Variants in DNAJC5 observed in about 807,000 individuals in gnomAD.
DNAJC5 encodes dnaJ homolog subfamily C member 5.
Under a neutral mutation model 23.2 loss-of-function variants are expected in DNAJC5, and 1 was observed. That is an observed-to-expected ratio of 0.04 (90% confidence interval 0.02 to 0.20). DNAJC5 has a LOEUF of 0.20. Among genes scored for constraint, DNAJC5 ranks in the 10% least tolerant of loss-of-function variants. DNAJC5 has a pLI of 1.00. For missense variants in DNAJC5, 180 were observed against 267.0 expected, an observed-to-expected ratio of 0.67 and a Z score of 2.27; for synonymous variants, 136 against 120.0, an observed-to-expected ratio of 1.13 and a Z score of -0.87.
Position 63,928,441 on chromosome 20 carries a change from A to G in DNAJC5, c.96A>G (p.Lys32=), listed in dbSNP as rs2146303986. ...AGAACGCAACCTCAGATGACATTAA[A>G]AAGTCCTATCGGTAAGTGGACAAGT... The part of the protein sequence containing the change: ...LDKNATSDDI[K]KSYRKLALKY... Residue 32 remains lysine (K), a synonymous_variant, in exon 2 of 5, where the codon AAA becomes AAG. Transcript: ENST00000360864. The surrounding 1 kb of genome is among the most constrained non-coding windows in gnomAD (Gnocchi z 4.6). The G allele has an allele frequency of 6.2e-7, 1 of 1,613,964 alleles. No homozygotes were observed. Among genetic ancestry groups the G allele is most frequent in the Non-Finnish European group, 8.5e-7 (1 of 1,179,976 alleles).
intron 1 of DNAJC5, among the ~76,000 whole-genome samples, chr20:63,922,787 A>T (rs1447046951): frequency 6.6e-6 from 1 of 151,878 alleles, no homozygotes; most frequent in Non-Finnish European, 1.5e-5. Flanking sequence ...ACAAAAAAGC[A>T]AAAAATGGTG....
Position 63,928,043 on chromosome 20 carries a change from G to A in DNAJC5, c.-11-292G>A, listed in dbSNP as rs974773681. Among the ~76,000 whole-genome samples the A allele has an allele frequency of 7.2e-5, 11 of 152,182 alleles. No individual in the cohort carries two copies. The highest frequency in any genetic ancestry group is 2.7e-4 in the African/African-American group (11 of 41,444). ...TAGCTCACTGCAGCCTCAAACTCCT[G>A]GGCTCAAGCGGTCCTCCCGCCTCAG... On this transcript the variant is annotated intron_variant, in intron 1 of 4. Transcript: ENST00000360864. The surrounding 1 kb of genome is among the most constrained non-coding windows in gnomAD (Gnocchi z 4.6).
chr20:63,930,847 C>A lies in DNAJC5; in HGVS notation c.322-4C>A, dbSNP rs376221120. 11 of 1,612,328 alleles carry A rather than the reference C, an allele frequency of 6.8e-6. No individual in the cohort carries two copies. The highest frequency in any genetic ancestry group is 3.3e-5 in the South Asian group (3 of 91,020). ...CATGCAACACCACCTTCTTCTCCCC[C>A]CAGGCCCTGTTTGTCTTCTGCGGCC... On this transcript the variant is annotated splice_region_variant and splice_polypyrimidine_tract_variant and intron_variant, in intron 3 of 4. Transcript: ENST00000360864.
intron 1 of DNAJC5, chr20:63,919,371 G>A (rs1349711488): frequency 2.7e-5 from 14 of 517,320 alleles, no homozygotes; most frequent in Non-Finnish European, 3.9e-5. Context: ...CGACGTGTCC[G>A]GGGAGAGGAC....
In DNAJC5 at chr20:63,929,569, G is replaced by A; in HGVS notation, c.321+44G>A. Reference sequence around the variant, plus strand: ...CCGTGCGGGCACCCGAGTCACTCCTGCCGTGCGGGCACCCGAGTCTCTCCT... The same window carrying A: ...CCGTGCGGGCACCCGAGTCACTCCTACCGTGCGGGCACCCGAGTCTCTCCT... On this transcript the variant is annotated intron_variant, in intron 3 of 4. Transcript: ENST00000360864. This position sits in a 1 kb window ranked among gnomAD's most constrained non-coding sequence, Gnocchi z 8.6. 6.2e-7 allele frequency: 1 copy of A among 1,602,972 alleles called. No individual in the cohort carries two copies. Among genetic ancestry groups the A allele is most frequent in the Non-Finnish European group, 8.5e-7 (1 of 1,175,638 alleles).
At position 63,932,150 on chromosome 20, in the gene DNAJC5, T is replaced by G; in HGVS notation, c.*582T>G. On this transcript the variant is annotated 3_prime_UTR_variant, in exon 5 of 5. Transcript: ENST00000360864. This position sits in a 1 kb window ranked among gnomAD's most constrained non-coding sequence, Gnocchi z 4.4. Reference sequence around the variant, plus strand: ...CCGGCGTCACTGTCATTCCTTGGTGTCTGTGCTGGGCATGGTTGGCTTGGG... The same window carrying G: ...CCGGCGTCACTGTCATTCCTTGGTGGCTGTGCTGGGCATGGTTGGCTTGGG... 2 of 179,748 alleles carry G rather than the reference T, an allele frequency of 1.1e-5. No homozygotes were observed. The highest frequency in any genetic ancestry group is 2.2e-4 in the South Asian group (2 of 9,178). 11.1% of individuals were successfully genotyped at this position (179,748 alleles called of 1,614,324 possible). A position where few individuals can be genotyped will look rare whatever the true frequency, so the allele number is the denominator to read the frequency against.
intron 1 of DNAJC5, among the ~76,000 whole-genome samples, chr20:63,905,323 C>T (rs983808357): frequency 6.6e-5 from 10 of 152,046 alleles, no homozygotes; most frequent in African/African-American, 2.2e-4. Flanking sequence ...ACCATGTTGG[C>T]CAGGCCGATC....
At chr20:63,895,624 G>T (rs944237644) in intron 1 of DNAJC5, among the ~76,000 whole-genome samples, 2 of 151,572 alleles carry the variant, frequency 1.3e-5, no homozygotes, top group African/African-American at 4.8e-5. Context: ...GGGCCCGGAC[G>T]CCCCCTCCGC....
chr20:63,915,423 TAAAAA>T (rs10542373), intron 1 of DNAJC5, among the ~76,000 whole-genome samples: 2 of 125,444 alleles, frequency 1.6e-5, no homozygotes, highest in Non-Finnish European at 3.6e-5. Context: ...CTACAATTGG[TAAAAA>T]AAAAAAAAAA....
chr20:63,924,872 C>T (rs2053599287), intron 1 of DNAJC5, among the ~76,000 whole-genome samples: 1 of 152,252 alleles, frequency 6.6e-6, no homozygotes, highest in South Asian at 2.1e-4. Context: ...TGCTTGGCCA[C>T]ACTGGCGTGC....
intron 1 of DNAJC5, among the ~76,000 whole-genome samples, chr20:63,916,488 G>C (rs770342934): frequency 3.3e-5 from 5 of 152,218 alleles, no homozygotes; most frequent in Non-Finnish European, 5.9e-5. Context: ...AAGATCACAT[G>C]CTTCAAAGGG....
At position 63,909,695 on chromosome 20, in the gene DNAJC5, A is replaced by G. The variant is rs142839047; in HGVS notation, c.-12+14372A>G. On this transcript the variant is annotated intron_variant, in intron 1 of 4. Transcript: ENST00000360864. The stretch of plus-strand genomic sequence containing the variant: ...GACTCCGTCTCAAAGAAAGAAAAAG[A>G]AAGAAAAAAGTCTTCCCCGTGAGAG... Among the ~76,000 whole-genome samples the G allele has an allele frequency of 3.3e-5, 5 of 152,358 alleles. No homozygotes were observed. In the East Asian group the frequency reaches 9.6e-4, roughly 29 times the overall value.
At chr20:63,903,655 TAAA>T in intron 1 of DNAJC5, among the ~76,000 whole-genome samples, 1 of 152,108 alleles carries the variant, frequency 6.6e-6, no homozygotes, top group East Asian at 1.9e-4. Context: ...TTTAAAAAAT[TAAA>T]AACATTTTTG....
intron 1 of DNAJC5, among the ~76,000 whole-genome samples, chr20:63,907,109 T>C (rs4809246): frequency 0.1 from 15,852 of 152,070 alleles, 1,790 homozygotes; most frequent in East Asian, 0.6. Flanking sequence ...TAAAATAAAA[T>C]AAATGACAGT....
At chr20:63,899,753 T>C (rs1336599395) in intron 1 of DNAJC5, among the ~76,000 whole-genome samples, 1 of 151,924 alleles carries the variant, frequency 6.6e-6, no homozygotes, top group East Asian at 1.9e-4. Context: ...GGCTAATTTT[T>C]TGTATTTTTA....
intron 1 of DNAJC5, among the ~76,000 whole-genome samples, chr20:63,909,862 C>T (rs1320696591): frequency 1.3e-5 from 2 of 152,238 alleles, no homozygotes; most frequent in Admixed American, 6.5e-5. Context: ...TGCACCAGAC[C>T]AGAATCCTGC....
At chr20:63,911,106 A>G (rs889236387) in intron 1 of DNAJC5, among the ~76,000 whole-genome samples, 1 of 152,256 alleles carries the variant, frequency 6.6e-6, no homozygotes, top group Non-Finnish European at 1.5e-5. Context: ...GACCCAAGTC[A>G]ATACCAATAA....
chr20:63,915,592 G>A (rs1279576382), intron 1 of DNAJC5, among the ~76,000 whole-genome samples: 1 of 152,156 alleles, frequency 6.6e-6, no homozygotes, highest in African/African-American at 2.4e-5. Context: ...GGCTGGAGAC[G>A]CCTACCCTTA....
chr20:63,899,720 T>TA (rs2053397814), intron 1 of DNAJC5, among the ~76,000 whole-genome samples: 1 of 152,066 alleles, frequency 6.6e-6, no homozygotes, highest in Admixed American at 6.6e-5. Context: ...TAGCTGGGAC[T>TA]ACAGGCGGTC....
Sources: gnomAD v4.1 joint callset for allele counts (sites outside exome capture counted in the v4.1 genomes callset) on GRCh38, gnomAD v4.1.1 for gene constraint, Gnocchi (gnomAD v3.1) non-coding constraint, MANE v1.5 for transcripts, NCBI Gene and HGNC (gene_info 2026-07-23, HGNC 2026-07-21) for gene names.